Variants in TPR observed in about 807,000 individuals in gnomAD.
TPR encodes nucleoprotein TPR.
Under a neutral mutation model 316.1 loss-of-function variants are expected in TPR, and 51 were observed. That is an observed-to-expected ratio of 0.16 (90% CI 0.13 to 0.20). The LOEUF (loss-of-function observed/expected upper bound fraction) is 0.20. Ranked by LOEUF, TPR falls within the 10% of genes least tolerant of loss-of-function variation. The probability of loss-of-function intolerance (pLI) is 1.00; values close to 1 mark genes in which losing one functional copy is unlikely to be tolerated. For synonymous variants in TPR, 981 were observed against 914.7 expected, an observed-to-expected ratio of 1.07 and a Z score of -1.31; for missense variants, 2,272 against 2,754.8, an observed-to-expected ratio of 0.82 and a Z score of 3.92.
Position 186,311,665 on chromosome 1 carries a change from T to C in TPR, c.*2306A>G, listed in dbSNP as rs1208315611. On this transcript the variant is annotated 3_prime_UTR_variant, in exon 51 of 51. Coordinates refer to ENST00000367478, the MANE Select transcript of TPR (RefSeq NM_003292.3). ...TTACACTCAGCATTTTCATTTATTA[T>C]TGACTTTACTGTCAAAAGATATCTT... is the stretch of plus-strand genomic sequence containing the variant. The C allele has an allele frequency of 6.1e-6, 9 of 1,464,880 alleles. No individual in the cohort carries two copies. Among genetic ancestry groups the C allele is most frequent in the Middle Eastern group, 1.7e-4 (1 of 5,826 alleles). 90.7% of individuals were successfully genotyped at this position (1,464,880 alleles called of 1,614,324 possible). A position where few individuals can be genotyped will look rare whatever the true frequency, so the allele number is the denominator to read the frequency against.
chr1:186,347,384 A>T lies in TPR; in HGVS notation c.2851T>A (p.Leu951Ile). ...LRQTEEQVND[L>I]KERLKTSTSN... ...GTACTTGTTTTGAGTCTCTCCTTTA[A>T]GTCATTCACCTGCTCTTCTGTCTGT... The change falls in exon 22 of 51, where the codon TTA becomes ATA. Residue 951 changes from leucine to isoleucine, a missense_variant. Transcript: ENST00000367478. 6.2e-7 allele frequency: 1 copy of T among 1,614,046 alleles called. No homozygotes were observed. Among genetic ancestry groups the T allele is most frequent in the Non-Finnish European group, 8.5e-7 (1 of 1,179,972 alleles).
At chr1:186,317,841 CTCT>C (rs1362278075) in intron 48 of TPR, among the ~76,000 whole-genome samples, 2 of 152,058 alleles carry the variant, frequency 1.3e-5, no homozygotes, top group Non-Finnish European at 1.5e-5. Flanking sequence ...TATGATTTTC[CTCT>C]TCTTATGTTT....
intron 46 of TPR, among the ~76,000 whole-genome samples, chr1:186,319,255 C>A (rs1657703687): frequency 6.6e-6 from 1 of 152,138 alleles, no homozygotes; most frequent in Non-Finnish European, 1.5e-5. Flanking sequence ...TCCCAAAGTT[C>A]TGGGATTACA....
At chr1:186,343,868 T>C (rs1341192387) in intron 26 of TPR, 38 bp downstream of exon 26, 2 of 1,535,064 alleles carry the variant, frequency 1.3e-6, no homozygotes, top group Non-Finnish European at 1.8e-6. Context: ...TTCATAGTTG[T>C]TATACCACAG....
intron 21 of TPR, among the ~76,000 whole-genome samples, chr1:186,348,242 G>C (rs760127149): frequency 2.6e-5 from 4 of 152,068 alleles, no homozygotes; most frequent in Non-Finnish European, 5.9e-5. Context: ...TGCGTCCCTG[G>C]GGGGAGGTCT....
Position 186,327,473 on chromosome 1 carries a change from T to A in TPR, c.5876A>T (p.Asp1959Val). ...AATCAAACTTACCTCATGTTCTCCA[T>A]CATTTTCATCATCATCCTCTTCTTC... ...DDEEEDDDEN[D>V]GEHEDYEEDE... Residue 1959 changes from aspartate to valine, a missense_variant, in exon 40 of 51, where the codon GAT (aspartate) becomes GTT (valine). This residue lies in a region of TPR where 435 missense variants were observed against 461.1 expected (regional missense o/e 0.94). Coordinates refer to ENST00000367478, the MANE Select transcript of TPR (RefSeq NM_003292.3). 3 of 1,610,188 alleles carry A rather than the reference T, an allele frequency of 1.9e-6. No individual in the cohort carries two copies. Among genetic ancestry groups the A allele is most frequent in the Non-Finnish European group, 1.7e-6 (2 of 1,179,326 alleles).
intron 39 of TPR, among the ~76,000 whole-genome samples, chr1:186,330,761 A>G (rs1487660860): frequency 1.3e-5 from 2 of 152,108 alleles, no homozygotes; most frequent in Non-Finnish European, 2.9e-5. Context: ...TCTCCTTTCT[A>G]TTAAACACTA....
chr1:186,363,101 CA>C, intron 5 of TPR, 100 bp from the exon 6 acceptor site: 1 of 1,305,744 alleles, frequency 7.7e-7, no homozygotes, highest in South Asian at 1.4e-5. Context: ...AATTTTATTT[CA>C]AAACAGAAAT....
intron 15 of TPR, 32 bp downstream of exon 15, chr1:186,356,254 T>G: frequency 6.5e-7 from 1 of 1,541,402 alleles, no homozygotes; most frequent in Non-Finnish European, 8.8e-7. Flanking sequence ...CATTTCTAAA[T>G]TATTCCTTAA....
chr1:186,328,681 A>G (rs997458001), intron 39 of TPR, among the ~76,000 whole-genome samples: 2 of 152,236 alleles, frequency 1.3e-5, no homozygotes, highest in Admixed American at 6.5e-5. Flanking sequence ...CACTGAATAC[A>G]TAAGTTAGTA....
rs1657803338 is a variant in TPR, at chr1:186,322,585, C to A, written c.6299G>T (p.Arg2100Ile). Reference protein sequence around the residue: ...PPQELGPPVQRIQMTRRQSVG... With the variant: ...PPQELGPPVQIIQMTRRQSVG... Reference sequence around the variant, plus strand: ...AGACTGCCTTCGGGTCATCTGAATTCTCTGCGTGTCAAGATAAAGGAATTA... The same window carrying A: ...AGACTGCCTTCGGGTCATCTGAATTATCTGCGTGTCAAGATAAAGGAATTA... The change falls in exon 44 of 51, where the codon AGA becomes ATA. Residue 2100 changes from arginine to isoleucine, a missense_variant and splice_region_variant. Physicochemically the swap from Arg to Ile is moderately conservative, Grantham distance 97. Transcript: ENST00000367478. 1.2e-6 allele frequency: 2 copies of A among 1,614,022 alleles called. No homozygotes were observed. The highest frequency in any genetic ancestry group is 1.1e-5 in the South Asian group (1 of 91,068).
chr1:186,350,110 G>C, intron 21 of TPR, 113 bp downstream of exon 21: 1 of 1,060,926 alleles, frequency 9.4e-7, no homozygotes, highest in Non-Finnish European at 1.3e-6. Flanking sequence ...TTTTGTGTTT[G>C]TTTCATTTTA....
rs1657741758 is a variant in TPR, at chr1:186,320,293, T to C, written c.6568+19A>G. On this transcript the variant is annotated intron_variant, in intron 46 of 50. Coordinates refer to ENST00000367478, the MANE Select transcript of TPR (RefSeq NM_003292.3). ...CAAATACATACAAATTCAGGGGATC[T>C]AAAGGTTTAACTATTTACCTCCTTG... 1 of 1,591,878 alleles carries C rather than the reference T, an allele frequency of 6.3e-7. No homozygotes were observed. The highest frequency in any genetic ancestry group is 8.6e-7 in the Non-Finnish European group (1 of 1,167,808).
intron 18 of TPR, among the ~76,000 whole-genome samples, chr1:186,353,361 G>C (rs1432864648): frequency 6.7e-6 from 1 of 149,570 alleles, no homozygotes; most frequent in Non-Finnish European, 1.5e-5. Flanking sequence ...GACAGAGTGA[G>C]ACTCTGTCTC....
At chr1:186,358,412 G>A in intron 13 of TPR, 131 bp downstream of exon 13, 1 of 625,274 alleles carries the variant, frequency 1.6e-6, no homozygotes, top group South Asian at 2.4e-5. Flanking sequence ...GTGCAACTCT[G>A]CTCGAGTACT....
rs1658190312 is a variant in TPR at position 186,332,325 on chromosome 1, G to A, written c.5474C>T (p.Ser1825Phe). The A allele has an allele frequency of 1.9e-6, 3 of 1,612,150 alleles. No homozygotes were observed. Among genetic ancestry groups the A allele is most frequent in the Non-Finnish European group, 2.5e-6 (3 of 1,179,130 alleles). The change falls in exon 38 of 51, where the codon TCT becomes TTT. Residue 1825 changes from serine (S) to phenylalanine (F), a missense_variant. Around this residue, in one of 10 missense-constraint regions of TPR, gnomAD observed 435 missense variants for 461.1 expected, o/e 0.94. Transcript: ENST00000367478. ...TTCACGTGTACGCTTTGGCAAAGAA[G>A]AACTGGGGGTAGCCGAAACTTTGAA... ...VFGTVSATPS[S>F]SLPKRTREEE...
intron 21 of TPR, 83 bp downstream of exon 21, chr1:186,350,139 TA>T (rs1658816695): frequency 1.6e-6 from 2 of 1,248,324 alleles, no homozygotes; most frequent in South Asian, 3.5e-5. Context: ...CACAAAGAAT[TA>T]GGCTATTTAC....
At chr1:186,318,410 G>A (rs769661190) in intron 48 of TPR, 37 bp downstream of exon 48, 10 of 1,589,966 alleles carry the variant, frequency 6.3e-6, no homozygotes, top group Admixed American at 3.5e-5. Flanking sequence ...AGTCTGTTGA[G>A]ACTAAAGCAA....
intron 33 of TPR, among the ~76,000 whole-genome samples, chr1:186,336,241 G>A (rs1658337672): frequency 1.3e-5 from 2 of 152,154 alleles, no homozygotes; most frequent in Non-Finnish European, 2.9e-5. Context: ...CATGAAAGCA[G>A]AAGGATAGCA....
Sources: allele counts gnomAD v4.1 joint callset (sites outside exome capture counted in the v4.1 genomes callset), GRCh38; gene constraint gnomAD v4.1.1; regional missense constraint gnomAD v4.1.1; transcripts MANE v1.5; gene names NCBI Gene and HGNC (gene_info 2026-07-23, HGNC 2026-07-21).